The following NXN variants were observed in gnomAD, a reference collection of about 807,000 sequenced individuals.
NXN encodes nucleoredoxin, also known as nucleoredoxin 1.
A neutral mutation model predicts 48.6 loss-of-function variants in NXN; 16 were observed. The ratio of observed to expected loss-of-function variants is 0.33; its 90% CI spans 0.22 to 0.50. NXN has a LOEUF of 0.50. Among genes scored for constraint, NXN ranks in the 20% least tolerant of loss-of-function variants. NXN has a pLI of 0.98. For missense variants in NXN, 492 were observed against 605.5 expected, an observed-to-expected ratio of 0.81 and a Z score of 1.97; for synonymous variants, 281 against 269.6, an observed-to-expected ratio of 1.04 and a Z score of -0.41.
intron 1 of NXN, among the ~76,000 whole-genome samples, chr17:955,991 T>G (rs1597274637): frequency 6.6e-6 from 1 of 151,912 alleles, no homozygotes; most frequent in Admixed American, 6.6e-5. Context: ...TCTGACCGCC[T>G]CCTCCCTGAG....
intron 1 of NXN, among the ~76,000 whole-genome samples, chr17:873,819 G>A (rs2068185726): frequency 6.6e-6 from 1 of 152,168 alleles, no homozygotes; most frequent in South Asian, 2.1e-4. Context: ...GGAAAGAGGA[G>A]CAGTTCATTA....
intron 1 of NXN, among the ~76,000 whole-genome samples, chr17:944,872 G>C (rs149906990): frequency 1.2e-4 from 18 of 152,154 alleles, no homozygotes; most frequent in African/African-American, 4.3e-4. Flanking sequence ...CCACACTGAG[G>C]GAAGATTTAA....
chr17:972,167 GCA>G (rs1472813444), intron 1 of NXN, among the ~76,000 whole-genome samples: 1 of 152,168 alleles, frequency 6.6e-6, no homozygotes, highest in Admixed American at 6.5e-5. Context: ...GGGCGTGGTG[GCA>G]CATGCGCCTA....
chr17:889,699 AAAAGAAAGAAAGAAAGAAAG>A (rs201931057), intron 1 of NXN, among the ~76,000 whole-genome samples: 13 of 126,672 alleles, frequency 1.0e-4, no homozygotes, highest in East Asian at 2.3e-4. Flanking sequence ...GAAAGAAAGA[AAAAGAAAGAAAGAAAGAAAG>A]AAAGAAAGAA....
chr17:916,076 AAATGTCG>A (rs1381504805), intron 1 of NXN, among the ~76,000 whole-genome samples: 1 of 152,240 alleles, frequency 6.6e-6, no homozygotes, highest in African/African-American at 2.4e-5. Flanking sequence ...TGTTCTACTC[AAATGTCG>A]AATGAAAAGG....
chr17:973,920 C>T (rs553983035), intron 1 of NXN, among the ~76,000 whole-genome samples: 1 of 151,962 alleles, frequency 6.6e-6, no homozygotes, highest in African/African-American at 2.4e-5. Context: ...CTCAAGTGAC[C>T]CACCCACCTC....
At chr17:930,975 TG>T (rs1567506409) in intron 1 of NXN, among the ~76,000 whole-genome samples, 1 of 152,052 alleles carries the variant, frequency 6.6e-6, no homozygotes, top group Non-Finnish European at 1.5e-5. Flanking sequence ...TTCACCATGT[TG>T]GTCAGGCTGG....
At chr17:912,615 C>T (rs1399623270) in intron 1 of NXN, among the ~76,000 whole-genome samples, 1 of 151,942 alleles carries the variant, frequency 6.6e-6, no homozygotes, top group African/African-American at 2.4e-5. Context: ...AAATTCTTTA[C>T]CCAAATTGAT....
intron 4 of NXN, among the ~76,000 whole-genome samples, chr17:820,408 G>A (rs367848946): frequency 1.3e-5 from 2 of 151,378 alleles, no homozygotes; most frequent in East Asian, 2.0e-4. Flanking sequence ...TCAAGAGATC[G>A]AGACCGTCCT....
chr17:850,732 C>A (rs2067915053), intron 1 of NXN, among the ~76,000 whole-genome samples: 1 of 152,200 alleles, frequency 6.6e-6, no homozygotes, highest in South Asian at 2.1e-4. Context: ...AGAGCACACT[C>A]CCGAGGTAGA....
chr17:963,343 A>G (rs1419176248), intron 1 of NXN, among the ~76,000 whole-genome samples: 2 of 151,956 alleles, frequency 1.3e-5, no homozygotes, highest in Admixed American at 6.6e-5. Flanking sequence ...TGGCTCACGT[A>G]TGTAATCCCA....
At chr17:861,958 T>C (rs919696582) in intron 1 of NXN, among the ~76,000 whole-genome samples, 1 of 151,988 alleles carries the variant, frequency 6.6e-6, no homozygotes, top group Non-Finnish European at 1.5e-5. Context: ...GCCTCCCAAG[T>C]AGCTGGGATT....
At chr17:839,215 A>C (rs1597649699) in intron 1 of NXN, among the ~76,000 whole-genome samples, 1 of 152,104 alleles carries the variant, frequency 6.6e-6, no homozygotes, top group Admixed American at 6.6e-5. Flanking sequence ...CGGGCGGATC[A>C]CTTGAGGTCA....
intron 1 of NXN, among the ~76,000 whole-genome samples, chr17:837,485 T>G (rs1184273716): frequency 6.6e-6 from 1 of 152,126 alleles, no homozygotes; most frequent in East Asian, 1.9e-4. Flanking sequence ...GAACAACAAA[T>G]GAACAGAGGA....
At chr17:936,266 T>G (rs528026547) in intron 1 of NXN, among the ~76,000 whole-genome samples, 1 of 152,202 alleles carries the variant, frequency 6.6e-6, no homozygotes, top group African/African-American at 2.4e-5. Context: ...CTCCTGTTGT[T>G]AGACCAGAAA....
At chr17:812,116 A>T (rs892930124) in intron 5 of NXN, among the ~76,000 whole-genome samples, 3 of 149,894 alleles carry the variant, frequency 2.0e-5, no homozygotes, top group Non-Finnish European at 4.5e-5. Flanking sequence ...TTTAATAGAG[A>T]CGGGGTTTCA....
chr17:925,545 T>C (rs11656088), intron 1 of NXN, among the ~76,000 whole-genome samples: 64,518 of 152,058 alleles, frequency 0.42, 13,879 homozygotes, highest in East Asian at 0.58. Flanking sequence ...CCCGCCACCA[T>C]GTCTGGCTAG....
At chr17:816,163 G>A (rs924015089) in intron 5 of NXN, among the ~76,000 whole-genome samples, 1 of 152,220 alleles carries the variant, frequency 6.6e-6, no homozygotes, top group Non-Finnish European at 1.5e-5. Flanking sequence ...GCAACTGGAA[G>A]CTGAGGCCGA....
chr17:972,840 G>A (rs556292602), intron 1 of NXN, among the ~76,000 whole-genome samples: 3 of 152,256 alleles, frequency 2.0e-5, no homozygotes, highest in Admixed American at 1.3e-4. Context: ...GACCATCATG[G>A]CTAACACGGT....
Sources: allele counts gnomAD v4.1 joint callset (sites outside exome capture counted in the v4.1 genomes callset), GRCh38; gene constraint gnomAD v4.1.1; transcripts MANE v1.5; gene names NCBI Gene and HGNC (gene_info 2026-07-23, HGNC 2026-07-21).